VIRMA: variants seen among roughly 807,000 people sequenced by gnomAD.
VIRMA encodes the protein protein virilizer homolog.
A neutral mutation model predicts 182.4 loss-of-function variants in VIRMA; 65 were observed. That is an observed-to-expected ratio of 0.36 (90% CI 0.29 to 0.44). The LOEUF (loss-of-function observed/expected upper bound fraction) is 0.44. Ranked by LOEUF, VIRMA falls within the 20% of genes least tolerant of loss-of-function variation. The pLI is 1.00. For synonymous variants in VIRMA, 709 were observed against 743.1 expected, an observed-to-expected ratio of 0.95 and a Z score of 0.75; for missense variants, 1,752 against 2,158.1, an observed-to-expected ratio of 0.81 and a Z score of 3.73.
rs1386765602 is a variant in VIRMA at position 94,527,233 on chromosome 8, T to C, written c.1011A>G (p.Thr337=). ...CAAGCTCCCTGTCATATGGATCATA[T>C]GTCATAGGAGGAACTGAAGCTAAGT... The part of the protein sequence containing the change: ...AEDLASVPPM[T]YDPYDRELVP... The change falls in exon 8 of 24, where the codon ACA becomes ACG. Residue 337 remains threonine, a synonymous_variant. Coordinates refer to ENST00000297591, the MANE Select transcript of VIRMA (RefSeq NM_015496.5). The C allele has an allele frequency of 6.2e-7, 1 of 1,614,118 alleles. No homozygotes were observed. Among genetic ancestry groups the C allele is most frequent in the Non-Finnish European group, 8.5e-7 (1 of 1,179,986 alleles).
chr8:94,526,489 T>C lies in VIRMA; in HGVS notation c.1755A>G (p.Glu585=), dbSNP rs1228161029. ...GTCCAGCATCTGTGTCGTGATCAGG[T>C]TCACTGTGGTTAGGAAGAGATGAAG... ...EKTSSLPNHS[E]PDHDTDAGLE... The change falls in exon 8 of 24, where the codon GAA becomes GAG. Residue 585 remains glutamate (E), a synonymous_variant. Transcript: ENST00000297591. 6.2e-7 allele frequency: 1 copy of C among 1,613,620 alleles called. No individual in the cohort carries two copies. Among genetic ancestry groups the C allele is most frequent in the Non-Finnish European group, 8.5e-7 (1 of 1,179,944 alleles).
At position 94,553,455 on chromosome 8, in the gene VIRMA, G is replaced by T; in HGVS notation, c.-8C>A. 6.2e-7 allele frequency: 1 copy of T among 1,614,080 alleles called. No homozygotes were observed. Among genetic ancestry groups the T allele is most frequent in the Non-Finnish European group, 8.5e-7 (1 of 1,179,966 alleles). ...CGCCGAGTCCACCGCCATGTTTGCC[G>T]CGGGCGGGGAACAGGGGGGAGGACT... On this transcript the variant is annotated 5_prime_UTR_variant, in exon 1 of 24. Coordinates refer to ENST00000297591, the MANE Select transcript of VIRMA (RefSeq NM_015496.5).
At chr8:94,542,265 A>AT (rs1815581434) in intron 2 of VIRMA, among the ~76,000 whole-genome samples, 2 of 152,226 alleles carry the variant, frequency 1.3e-5, no homozygotes, top group Admixed American at 6.5e-5. Flanking sequence ...TTTCTTGGGC[A>AT]TGCCCTCTCA....
At chr8:94,514,130 C>T (rs914586317) in intron 11 of VIRMA, among the ~76,000 whole-genome samples, 2 of 152,030 alleles carry the variant, frequency 1.3e-5, no homozygotes, top group East Asian at 1.9e-4. Context: ...CATGCGTGTG[C>T]GCACACACTC....
intron 4 of VIRMA, 50 bp from the exon 5 acceptor site, chr8:94,535,057 T>A: frequency 1.3e-6 from 2 of 1,536,806 alleles, no homozygotes; most frequent in Non-Finnish European, 1.7e-6. Context: ...TGTTTTAAAA[T>A]GCTAGAAGTT....
chr8:94,534,937 T>C lies in VIRMA; in HGVS notation c.386A>G (p.Asp129Gly). 2 of 1,614,012 alleles carry C rather than the reference T, an allele frequency of 1.2e-6. No homozygotes were observed. Among genetic ancestry groups the C allele is most frequent in the Non-Finnish European group, 1.7e-6 (2 of 1,179,990 alleles). ...GTCTCTGTCATGACTTATCACTCTA[T>C]CCACTGATCCATATATTGCCAGTGT... ...CLTLAIYGSV[D>G]RVISHDRDSP... Residue 129 changes from aspartate (D) to glycine (G), a missense_variant, in exon 5 of 24, where the codon GAT (aspartate) becomes GGT (glycine). By Grantham distance (94) the Asp-to-Gly change is moderately conservative. Around this residue, in one of 11 missense-constraint regions of VIRMA, gnomAD observed 195 missense variants for 191.7 expected, o/e 1.02. Coordinates refer to ENST00000297591, the MANE Select transcript of VIRMA (RefSeq NM_015496.5).
At chr8:94,510,859 A>G in intron 13 of VIRMA, 1 of 809,956 alleles carries the variant, frequency 1.2e-6, no homozygotes. Context: ...AGTTGAGCAG[A>G]GTCCATTGGT....
At chr8:94,508,709 A>T (rs927245620) in intron 15 of VIRMA, among the ~76,000 whole-genome samples, 1 of 152,192 alleles carries the variant, frequency 6.6e-6, no homozygotes, top group Non-Finnish European at 1.5e-5. Context: ...CAAAAAAAAA[A>T]AAAAGTTCTT....
At chr8:94,512,212 T>C (rs569263940) in intron 11 of VIRMA, 123 bp from the exon 12 acceptor site, 2 of 366,248 alleles carry the variant, frequency 5.5e-6, no homozygotes, top group African/African-American at 4.2e-5. Flanking sequence ...ATATTTTATA[T>C]TTATTAAGTA....
chr8:94,539,878 A>G (rs1056901768), intron 2 of VIRMA, among the ~76,000 whole-genome samples: 2 of 152,202 alleles, frequency 1.3e-5, no homozygotes, highest in African/African-American at 2.4e-5. Flanking sequence ...TAACAAAGCA[A>G]GTTCAGCTCC....
At chr8:94,518,840 T>A in intron 9 of VIRMA, 145 bp downstream of exon 9, 1 of 760,020 alleles carries the variant, frequency 1.3e-6, no homozygotes, top group Non-Finnish European at 2.1e-6. Flanking sequence ...TTTCTGTCAC[T>A]CTAACCTTTA....
rs1814675463 is a variant in VIRMA at position 94,519,330 on chromosome 8, G to A, written c.2168C>T (p.Ser723Leu). Residue 723 changes from serine to leucine, a missense_variant, in exon 9 of 24, where the codon TCG becomes TTG. This residue lies in a region of VIRMA where 401 missense variants were observed against 455.1 expected (regional missense o/e 0.88). Coordinates refer to ENST00000297591, the MANE Select transcript of VIRMA (RefSeq NM_015496.5). ...CAATAAATTTGTTGCTTCATATTCC[G>A]ACATAAAAAAAAGAAGACCCTTCTG... ...QSQKGLLFFM[S>L]EYEATNLLIR... is the part of the protein sequence containing the mutation. The A allele has an allele frequency of 3.1e-6, 5 of 1,605,302 alleles. No individual in the cohort carries two copies. The highest frequency in any genetic ancestry group is 1.4e-5 in the African/African-American group (1 of 73,966).
chr8:94,518,835 G>A lies in VIRMA; in HGVS notation c.2513+150C>T, dbSNP rs75051583. The A allele has an allele frequency of 2.0e-3, 1,460 of 722,176 alleles. 11 individuals are homozygous for A. The African/African-American group carries it at 0.022, about 11-fold the overall frequency. The allele number at this position is 722,176 out of a possible 1,614,324, so 44.7% of individuals were successfully genotyped here. ...CACATCTTATATTTTAGAGATTTCT[G>A]TCACTCTAACCTTTAATTAACAAGT... On this transcript the variant is annotated intron_variant, in intron 9 of 23. Coordinates refer to ENST00000297591, the MANE Select transcript of VIRMA (RefSeq NM_015496.5).
chr8:94,501,765 C>T, intron 16 of VIRMA, among the ~76,000 whole-genome samples: 1 of 152,040 alleles, frequency 6.6e-6, no homozygotes, highest in East Asian at 1.9e-4. Context: ...CGAGACCAGC[C>T]TGGGCACCAG....
chr8:94,526,367 C>T lies in VIRMA; in HGVS notation c.1877G>A (p.Arg626Lys). ...SSNISEGEIERLINLLEEVFH... is the reference protein window; with the variant it reads ...SSNISEGEIEKLINLLEEVFH... ...AACTTCTTCTAGGAGGTTAATAAGC[C>T]TTTCTATTTCCCCTTCACTTATATT... Residue 626 changes from arginine (R) to lysine (K), a missense_variant, in exon 8 of 24, where the codon AGG (arginine) becomes AAG (lysine). Coordinates refer to ENST00000297591, the MANE Select transcript of VIRMA (RefSeq NM_015496.5). 1 of 1,614,102 alleles carries T rather than the reference C, an allele frequency of 6.2e-7. No homozygotes were observed. Among genetic ancestry groups the T allele is most frequent in the Non-Finnish European group, 8.5e-7 (1 of 1,180,002 alleles).
In VIRMA at chr8:94,517,932, AT is replaced by A; in HGVS notation, c.2523del (p.Lys841AsnfsTer6). The A allele has an allele frequency of 6.2e-7, 1 of 1,608,998 alleles. No homozygotes were observed. The highest frequency in any genetic ancestry group is 8.5e-7 in the Non-Finnish European group (1 of 1,178,058). On this transcript the variant is annotated frameshift_variant, in exon 10 of 24. Transcript: ENST00000297591. LOFTEE classifies it high-confidence loss of function. ...TAATTATAAGCTACTGACTTCTTAG[AT>A]TTGGAATCACTGAAACAAAATAAGG... is the stretch of plus-strand genomic sequence containing the variant. ...YYSKEALGDS[K>X]SKKSVAYNYA... is the part of the protein sequence containing the mutation.
intron 8 of VIRMA, among the ~76,000 whole-genome samples, chr8:94,520,716 G>A (rs75302741): frequency 0.012 from 1,880 of 152,192 alleles, 17 homozygotes; most frequent in South Asian, 0.021. Context: ...TCAGAGACTG[G>A]AGCATCCTTG....
At chr8:94,507,932 CATATGTGT>C (rs1168242274) in intron 15 of VIRMA, among the ~76,000 whole-genome samples, 2 of 76,946 alleles carry the variant, frequency 2.6e-5, no homozygotes, top group African/African-American at 9.1e-5. Context: ...TATGTATGTA[CATATGTGT>C]ATATGTGTAT....
rs746743764 is a variant in VIRMA, at chr8:94,535,025, C to CA, written c.316-19dup. On this transcript the variant is annotated intron_variant, in intron 4 of 23. Transcript: ENST00000297591. ...GTATTCACCTGATTTTCAGGGAGGG[C>CA]AAAAAAAATCTTTCAAAGTCATGTT... 3.9e-5 allele frequency: 60 copies of CA among 1,544,570 alleles called. No individual in the cohort carries two copies. The East Asian group carries it at 6.3e-4, about 16-fold the overall frequency.
Sources: allele counts gnomAD v4.1 joint callset (sites outside exome capture counted in the v4.1 genomes callset), GRCh38; gene constraint gnomAD v4.1.1; regional missense constraint gnomAD v4.1.1; transcripts MANE v1.5; gene names NCBI Gene and HGNC (gene_info 2026-07-23, HGNC 2026-07-21).